BICC1: variants seen among roughly 807,000 people sequenced by gnomAD.
The protein encoded by BICC1 is BicC family RNA binding protein 1, also known as protein bicaudal C homolog 1.
BICC1 carries 43 observed loss-of-function variants against 111.0 expected under a neutral mutation model. That is an observed-to-expected ratio of 0.39 (90% confidence interval 0.30 to 0.50). The LOEUF (loss-of-function observed/expected upper bound fraction) is 0.50. Ranked by LOEUF, BICC1 falls within the 20% of genes least tolerant of loss-of-function variation. The pLI, the probability that BICC1 is intolerant of heterozygous loss-of-function variation, is 0.88. For missense variants in BICC1, 1,091 were observed against 1,203.2 expected (o/e 0.91, Z 1.38); for synonymous variants, 467 against 434.4 (o/e 1.07, Z -0.93).
At chr10:58,729,049 A>G (rs1369204223) in intron 3 of BICC1, among the ~76,000 whole-genome samples, 1 of 152,146 alleles carries the variant, frequency 6.6e-6, no homozygotes, top group Non-Finnish European at 1.5e-5. Context: ...GATTTTGGGA[A>G]TGGTAAATGA....
intron 1 of BICC1, among the ~76,000 whole-genome samples, chr10:58,560,970 A>T (rs748567030): frequency 1.3e-5 from 2 of 152,050 alleles, no homozygotes; most frequent in Non-Finnish European, 2.9e-5. Context: ...TATCCTGGAG[A>T]ATTCTCCATG....
intron 2 of BICC1, among the ~76,000 whole-genome samples, chr10:58,635,967 C>G (rs1201800318): frequency 6.6e-6 from 1 of 152,182 alleles, no homozygotes; most frequent in Non-Finnish European, 1.5e-5. Flanking sequence ...TCTGTGGTCA[C>G]TTTGTTTGGA....
At chr10:58,675,119 A>G (rs1839298952) in intron 2 of BICC1, among the ~76,000 whole-genome samples, 1 of 152,160 alleles carries the variant, frequency 6.6e-6, no homozygotes, top group Non-Finnish European at 1.5e-5. Flanking sequence ...AGGTCTGTGC[A>G]ACTTATTAGA....
chr10:58,632,518 T>C (rs11006214), intron 2 of BICC1, among the ~76,000 whole-genome samples: 52,925 of 151,522 alleles, frequency 0.35, 10,173 homozygotes, highest in East Asian at 0.47. Flanking sequence ...TTTTTTTTTT[T>C]CCCCTATTCT....
chr10:58,524,793 A>G (rs182816851), intron 1 of BICC1, among the ~76,000 whole-genome samples: 147 of 152,312 alleles, frequency 9.7e-4, no homozygotes, highest in African/African-American at 3.4e-3. Context: ...AATGGGAAAA[A>G]ATTTTTGCAA....
chr10:58,758,543 C>G lies in BICC1; in HGVS notation c.308-26458C>G, dbSNP rs183212871. The stretch of plus-strand genomic sequence containing the variant: ...TGTGACAAAAAGGCAGTTCACTGTT[C>G]TTCTTGTCCCTGCCTGGTTACAAGG... On this transcript the variant is annotated intron_variant, in intron 3 of 20. Transcript: ENST00000373886. 2.1e-3 allele frequency among the ~76,000 whole-genome samples: 316 copies of G among 152,330 alleles called. 2 individuals are homozygous for G. The highest frequency in any genetic ancestry group is 2.7e-3 in the Non-Finnish European group (187 of 68,030).
intron 17 of BICC1, among the ~76,000 whole-genome samples, chr10:58,807,811 C>A (rs1843756852): frequency 6.6e-6 from 1 of 152,084 alleles, no homozygotes; most frequent in Admixed American, 6.6e-5. Context: ...GGCTCTAAGC[C>A]TTTGGGAGTC....
chr10:58,661,674 A>C (rs1838849380), intron 2 of BICC1, among the ~76,000 whole-genome samples: 1 of 152,218 alleles, frequency 6.6e-6, no homozygotes, highest in South Asian at 2.1e-4. Flanking sequence ...TTGATTCTGC[A>C]AAGGTTATGT....
intron 3 of BICC1, among the ~76,000 whole-genome samples, chr10:58,763,169 G>A (rs1212224933): frequency 6.6e-6 from 1 of 152,140 alleles, no homozygotes; most frequent in African/African-American, 2.4e-5. Flanking sequence ...TCCCTTCCAG[G>A]AAGAAAAATA....
At chr10:58,668,043 A>T (rs923809770) in intron 2 of BICC1, among the ~76,000 whole-genome samples, 1 of 152,118 alleles carries the variant, frequency 6.6e-6, no homozygotes, top group African/African-American at 2.4e-5. Flanking sequence ...TAAATTAAAA[A>T]TTGGTAGTAA....
chr10:58,536,750 A>C (rs1842835438), intron 1 of BICC1, among the ~76,000 whole-genome samples: 1 of 151,844 alleles, frequency 6.6e-6, no homozygotes, highest in Non-Finnish European at 1.5e-5. Context: ...TACAAAAATC[A>C]ATGAAACAAA....
intron 2 of BICC1, among the ~76,000 whole-genome samples, chr10:58,632,286 A>C (rs1459823281): frequency 6.6e-6 from 1 of 152,250 alleles, no homozygotes; most frequent in African/African-American, 2.4e-5. Context: ...TGGTGTTAGC[A>C]TGCATGTGTG....
At chr10:58,604,954 C>T (rs1845161277) in intron 1 of BICC1, among the ~76,000 whole-genome samples, 1 of 152,104 alleles carries the variant, frequency 6.6e-6, no homozygotes, top group Non-Finnish European at 1.5e-5. Flanking sequence ...AGGCAAGAGG[C>T]ACCTATCTAT....
chr10:58,718,193 A>G (rs1840808564), intron 3 of BICC1, among the ~76,000 whole-genome samples: 1 of 152,172 alleles, frequency 6.6e-6, no homozygotes, highest in Non-Finnish European at 1.5e-5. Flanking sequence ...TATTGCTTCC[A>G]GTTCTGGAGA....
At chr10:58,649,266 T>G (rs534736043) in intron 2 of BICC1, among the ~76,000 whole-genome samples, 1 of 152,266 alleles carries the variant, frequency 6.6e-6, no homozygotes, top group Admixed American at 6.5e-5. Context: ...AGTGACAGAC[T>G]TGTTGATGTG....
chr10:58,607,709 A>C (rs1845275815), intron 1 of BICC1, among the ~76,000 whole-genome samples: 1 of 152,136 alleles, frequency 6.6e-6, no homozygotes, highest in Non-Finnish European at 1.5e-5. Context: ...GGATTGAGGC[A>C]GTAAAACTGT....
intron 3 of BICC1, among the ~76,000 whole-genome samples, chr10:58,738,657 G>A (rs1343222530): frequency 7.3e-6 from 1 of 137,526 alleles, no homozygotes; most frequent in African/African-American, 2.7e-5. Context: ...GGATGGCATT[G>A]AATCTATAAA....
At chr10:58,726,507 T>C (rs1451373928) in intron 3 of BICC1, among the ~76,000 whole-genome samples, 1 of 152,244 alleles carries the variant, frequency 6.6e-6, no homozygotes, top group Non-Finnish European at 1.5e-5. Context: ...TTCACAGTGC[T>C]TAGAGCTTCT....
At chr10:58,771,701 T>C (rs1352688281) in intron 3 of BICC1, among the ~76,000 whole-genome samples, 1 of 152,066 alleles carries the variant, frequency 6.6e-6, no homozygotes, top group Non-Finnish European at 1.5e-5. Context: ...GTGAGTATTT[T>C]GGTTTGGTTG....
Sources: gnomAD v4.1 joint callset for allele counts (sites outside exome capture counted in the v4.1 genomes callset) on GRCh38, gnomAD v4.1.1 for gene constraint, MANE v1.5 for transcripts, NCBI Gene and HGNC (gene_info 2026-07-23, HGNC 2026-07-21) for gene names.